Variants in DMPK observed in about 807,000 individuals in gnomAD.
DMPK encodes the protein myotonin-protein kinase.
In DMPK, 32 loss-of-function variants were observed where a neutral mutation model predicts 70.3. That is an observed-to-expected ratio of 0.46 (90% CI 0.34 to 0.61). The LOEUF (loss-of-function observed/expected upper bound fraction) is 0.61. Among genes scored for constraint, DMPK ranks in the 20% least tolerant of loss-of-function variants. DMPK has a pLI of 0.01. For missense variants in DMPK, 899 were observed against 886.0 expected (o/e 1.01, Z -0.19); for synonymous variants, 469 against 390.9 (o/e 1.20, Z -2.36).
intron 8 of DMPK, chr19:45,776,987 C>T: frequency 7.3e-6 from 2 of 273,390 alleles, no homozygotes; most frequent in Non-Finnish European, 1.4e-5. Context: ...GAGGAGTCCT[C>T]TCCTGCTTCT....
chr19:45,770,972 C>A lies in DMPK; in HGVS notation c.1736G>T (p.Arg579Met). The A allele has an allele frequency of 7.0e-7, 1 of 1,427,402 alleles. No homozygotes were observed. The highest frequency in any genetic ancestry group is 9.1e-7 in the Non-Finnish European group (1 of 1,095,708). The allele number at this position is 1,427,402 out of a possible 1,614,324, so 88.4% of individuals were successfully genotyped here. ...GGGGGCGTGGGCAGCCGGACGTACC[C>A]TGGCAGGGAGCAGCAGGTGGCGGCG... ...MHRRHLLLPA[R>M]VPRPGLSEAL... The change falls in exon 14 of 15, where the codon AGG (arginine) becomes ATG (methionine). Residue 579 changes from arginine to methionine, a missense_variant and splice_region_variant. Arg to Met is a moderately conservative substitution (Grantham distance 91). Transcript: ENST00000291270.
chr19:45,771,676 G>C lies in DMPK; in HGVS notation c.1503-11C>G. 6.2e-7 allele frequency: 1 copy of C among 1,613,800 alleles called. No homozygotes were observed. Among genetic ancestry groups the C allele is most frequent in the South Asian group, 1.1e-5 (1 of 91,078 alleles). ...GCCTCGCGTAGTTGACTGTGGGGAG[G>C]TAAGGACGGTGAGTCCGTCCGGGCC... On this transcript the variant is annotated splice_polypyrimidine_tract_variant and intron_variant, in intron 11 of 14. Transcript: ENST00000291270.
chr19:45,772,178 T>C (rs917474185), intron 10 of DMPK: 13 of 519,244 alleles, frequency 2.5e-5, no homozygotes, highest in Non-Finnish European at 4.0e-5. Flanking sequence ...TAACACAACC[T>C]ATGTCCCTCT....
In DMPK at chr19:45,771,670, G is replaced by A. The variant is rs748152953; in HGVS notation, c.1503-5C>T. 12 of 1,613,762 alleles carry A rather than the reference G, an allele frequency of 7.4e-6. No homozygotes were observed. Among genetic ancestry groups the A allele is most frequent in the Non-Finnish European group, 1.0e-5 (12 of 1,179,920 alleles). On this transcript the variant is annotated splice_polypyrimidine_tract_variant and splice_region_variant and intron_variant, in intron 11 of 14. Coordinates refer to ENST00000291270, the MANE Select transcript of DMPK (RefSeq NM_004409.5). ...GCCTCTGCCTCGCGTAGTTGACTGT[G>A]GGGAGGTAAGGACGGTGAGTCCGTC...
intron 9 of DMPK, among the ~76,000 whole-genome samples, chr19:45,773,955 CTTTTT>C (rs1015477582): frequency 2.7e-4 from 36 of 135,676 alleles, no homozygotes; most frequent in Non-Finnish European, 4.8e-5. Flanking sequence ...TAAATTAGTA[CTTTTT>C]TTTTTTTTTT....
chr19:45,770,895 G>T (rs923303672), intron 14 of DMPK, 76 bp downstream of exon 14: 8 of 1,176,792 alleles, frequency 6.8e-6, no homozygotes, highest in Non-Finnish European at 8.0e-6. Flanking sequence ...CCGCAAATGC[G>T]CAGCTAAGCG....
At position 45,771,330 on chromosome 19, in the gene DMPK, G is replaced by C; in HGVS notation, c.1647+20C>G. On this transcript the variant is annotated intron_variant, in intron 13 of 14. Coordinates refer to ENST00000291270, the MANE Select transcript of DMPK (RefSeq NM_004409.5). Reference sequence around the variant, plus strand: ...AGAATGGGCAGCAGGTCTGAGGCAGGGGAAAGAGAGGGGTCTTACATGGGA... The same window carrying C: ...AGAATGGGCAGCAGGTCTGAGGCAGCGGAAAGAGAGGGGTCTTACATGGGA... The C allele has an allele frequency of 6.3e-7, 1 of 1,583,306 alleles. No individual in the cohort carries two copies. Among genetic ancestry groups the C allele is most frequent in the African/African-American group, 1.4e-5 (1 of 73,130 alleles).
At position 45,778,972 on chromosome 19, in the gene DMPK, C is replaced by A. The variant is rs539758310; in HGVS notation, c.432+292G>T. On this transcript the variant is annotated intron_variant, in intron 4 of 14. Transcript: ENST00000291270. ...ACACTCCTTCCCTAGGCAGTGGCCC[C>A]GTTAGAATTCCTGAAGACCTATCCC... 203 of 577,086 alleles carry A rather than the reference C, an allele frequency of 3.5e-4. 1 individual carries two copies. The African/African-American group carries it at 3.7e-3, about 10-fold the overall frequency. The allele number at this position is 577,086 out of a possible 1,614,324, so 35.7% of individuals were successfully genotyped here. A position where few individuals can be genotyped will look rare whatever the true frequency, so the allele number is the denominator to read the frequency against.
chr19:45,771,738 C>T (rs1969466134), intron 11 of DMPK, 33 bp downstream of exon 11: 1 of 1,598,540 alleles, frequency 6.3e-7, no homozygotes, highest in Non-Finnish European at 8.5e-7. Flanking sequence ...CACCGGCCCG[C>T]ATCCCGGCCC....
chr19:45,779,936 C>T (rs1420033241), intron 1 of DMPK, 67 bp from the exon 2 acceptor site: 1 of 1,610,404 alleles, frequency 6.2e-7, no homozygotes, highest in Non-Finnish European at 8.5e-7. Flanking sequence ...AGGGGGAAAG[C>T]CCCACCCTCT....
rs1438132387 is a variant in DMPK at position 45,782,469 on chromosome 19, T to C, written c.-117A>G. On this transcript the variant is annotated 5_prime_UTR_variant, in exon 1 of 15. Coordinates refer to ENST00000291270, the MANE Select transcript of DMPK (RefSeq NM_004409.5). ...CCCTGGCTGCATGTCTGCCTGTCCC[T>C]GGCTGTCCCCTGGGCCTCTCTGGCC... The C allele has an allele frequency of 3.8e-5, 46 of 1,221,990 alleles. No individual in the cohort carries two copies. The highest frequency in any genetic ancestry group is 4.9e-5 in the Non-Finnish European group (45 of 911,212). The allele number at this position is 1,221,990 out of a possible 1,614,324, so 75.7% of individuals were successfully genotyped here. A position where few individuals can be genotyped will look rare whatever the true frequency, so the allele number is the denominator to read the frequency against.
At chr19:45,773,955 CTTT>C (rs1015477582) in intron 9 of DMPK, among the ~76,000 whole-genome samples, 10 of 135,664 alleles carry the variant, frequency 7.4e-5, no homozygotes, top group Non-Finnish European at 1.3e-4. Flanking sequence ...TAAATTAGTA[CTTT>C]TTTTTTTTTT....
intron 10 of DMPK, chr19:45,772,225 C>T (rs150129351): frequency 7.9e-5 from 34 of 431,294 alleles, no homozygotes; most frequent in Admixed American, 1.6e-4. Context: ...AATGCCCTCA[C>T]GACAAAAGGC....
rs943292506 is a variant in DMPK, at chr19:45,779,288, G to A, written c.408C>T (p.Phe136=). 5.0e-6 allele frequency: 8 copies of A among 1,613,876 alleles called. No individual in the cohort carries two copies. Among genetic ancestry groups the A allele is most frequent in the South Asian group, 2.2e-5 (2 of 91,082 alleles). ...CCAGGTAGTTCTCATCCTGGAAGGC[G>A]AAGTGCAGCTGCGTGATCCACCGCC... ...GDRRWITQLH[F]AFQDENYLYL... is the part of the protein sequence containing the mutation. The change falls in exon 4 of 15, where the codon TTC becomes TTT. Residue 136 remains phenylalanine (F), a synonymous_variant. Coordinates refer to ENST00000291270, the MANE Select transcript of DMPK (RefSeq NM_004409.5).
At chr19:45,782,170 G>A (rs1970159383) in intron 1 of DMPK, 23 bp downstream of exon 1, 4 of 1,342,390 alleles carry the variant, frequency 3.0e-6, no homozygotes, top group South Asian at 3.0e-5. Flanking sequence ...CCATCTGCAG[G>A]AGCCCCGAGG....
rs368489171 is a variant in DMPK at position 45,782,236 on chromosome 19, G to C, written c.117C>G (p.Ser39=). The change falls in exon 1 of 15, where the codon TCC becomes TCG. Residue 39 remains serine, a synonymous_variant. Coordinates refer to ENST00000291270, the MANE Select transcript of DMPK (RefSeq NM_004409.5). The stretch of plus-strand genomic sequence containing the variant: ...CCACGTACTTGTCCTGGGCCAGTTC[G>C]GAGGCGCCCAGCTCCTGGTGGACGC... ...LLGVHQELGA[S]ELAQDKYVAD... is the part of the protein sequence containing the mutation. 1.4e-5 allele frequency: 22 copies of C among 1,608,970 alleles called. No individual in the cohort carries two copies. Among genetic ancestry groups the C allele is most frequent in the Middle Eastern group, 1.7e-4 (1 of 5,946 alleles).
At chr19:45,770,926 G>A (rs549239027) in intron 14 of DMPK, 45 bp downstream of exon 14, 319 of 1,345,488 alleles carry the variant, frequency 2.4e-4, no homozygotes, top group Middle Eastern at 5.3e-4. Context: ...GGCGGGTGGA[G>A]CGCGGGGCGC....
chr19:45,772,158 G>A, intron 10 of DMPK: 1 of 552,002 alleles, frequency 1.8e-6, no homozygotes, highest in Non-Finnish European at 3.2e-6. Flanking sequence ...GAGGGCTGGT[G>A]CTCAAACACT....
At chr19:45,779,651 C>T in intron 2 of DMPK, 127 bp downstream of exon 2, 25 of 1,555,094 alleles carry the variant, frequency 1.6e-5, no homozygotes, top group Non-Finnish European at 2.2e-5. Flanking sequence ...CCATTGGTCC[C>T]AAGCCCCGCC....
Sources: gnomAD v4.1 joint callset for allele counts (sites outside exome capture counted in the v4.1 genomes callset) on GRCh38, gnomAD v4.1.1 for gene constraint, MANE v1.5 for transcripts, NCBI Gene and HGNC (gene_info 2026-07-23, HGNC 2026-07-21) for gene names.